Variants in GPR176 observed in about 807,000 individuals in gnomAD.
GPR176 encodes the protein G protein-coupled receptor 176.
In GPR176, 26 loss-of-function variants were observed where a neutral mutation model predicts 35.4. The observed-to-expected ratio is 0.74, with a 90% confidence interval of 0.54 to 1.02. The LOEUF is 1.02. GPR176 is among the 50% of genes least tolerant of loss of function. The pLI is 0.00. For synonymous variants in GPR176, 278 were observed against 271.3 expected (o/e 1.02, Z -0.24); for missense variants, 597 against 665.3 (o/e 0.90, Z 1.13).
At chr15:39,847,918 G>A (rs538351830) in intron 1 of GPR176, among the ~76,000 whole-genome samples, 1 of 152,168 alleles carries the variant, frequency 6.6e-6, no homozygotes, top group East Asian at 1.9e-4. Flanking sequence ...TTCTGGGAAG[G>A]TCTCAGGAAA....
At chr15:39,900,282 T>A (rs2033238731) in intron 1 of GPR176, among the ~76,000 whole-genome samples, 1 of 149,254 alleles carries the variant, frequency 6.7e-6, no homozygotes, top group Non-Finnish European at 1.5e-5. Context: ...GGCTTGAGAA[T>A]GGTAGTAGAG....
At chr15:39,837,635 G>C (rs1156942290) in intron 1 of GPR176, among the ~76,000 whole-genome samples, 1 of 152,092 alleles carries the variant, frequency 6.6e-6, no homozygotes, top group Non-Finnish European at 1.5e-5. Flanking sequence ...AACAGTAGTA[G>C]TAGTAGCAGC....
At chr15:39,811,582 G>C (rs2140792859) in intron 1 of GPR176, among the ~76,000 whole-genome samples, 1 of 152,198 alleles carries the variant, frequency 6.6e-6, no homozygotes, top group Admixed American at 6.5e-5. Context: ...AATCCAAAAT[G>C]CTTCAATGAG....
chr15:39,913,759 C>G (rs1022261858), intron 1 of GPR176, among the ~76,000 whole-genome samples: 1 of 152,072 alleles, frequency 6.6e-6, no homozygotes, highest in Non-Finnish European at 1.5e-5. Flanking sequence ...AAAAAACCAT[C>G]GAGTTGGCCG....
At chr15:39,849,749 G>A (rs376327702) in intron 1 of GPR176, among the ~76,000 whole-genome samples, 27 of 152,192 alleles carry the variant, frequency 1.8e-4, no homozygotes, top group East Asian at 1.7e-3. Context: ...CTTCCTAAAC[G>A]TGATAAACAT....
chr15:39,851,642 A>G (rs568001922), intron 1 of GPR176, among the ~76,000 whole-genome samples: 1 of 152,316 alleles, frequency 6.6e-6, no homozygotes, highest in South Asian at 2.1e-4. Flanking sequence ...GTTCTCATCC[A>G]TTAACATCAA....
At chr15:39,809,360 T>C (rs972906602) in intron 1 of GPR176, among the ~76,000 whole-genome samples, 1 of 152,092 alleles carries the variant, frequency 6.6e-6, no homozygotes, top group Admixed American at 6.6e-5. Flanking sequence ...ACCCATTTGG[T>C]TACACATTTA....
At chr15:39,846,753 AAGG>A (rs1304897200) in intron 1 of GPR176, among the ~76,000 whole-genome samples, 3 of 152,180 alleles carry the variant, frequency 2.0e-5, no homozygotes, top group African/African-American at 7.2e-5. Context: ...TTCAGGAATG[AAGG>A]AGAAGCAGAC....
intron 1 of GPR176, among the ~76,000 whole-genome samples, chr15:39,810,262 T>TA (rs370199875): frequency 2.6e-5 from 4 of 151,862 alleles, no homozygotes; most frequent in Non-Finnish European, 5.9e-5. Flanking sequence ...AAATAAAAGT[T>TA]AAAAAAAATA....
At chr15:39,884,854 T>G (rs7167236) in intron 1 of GPR176, among the ~76,000 whole-genome samples, 49 of 152,180 alleles carry the variant, frequency 3.2e-4, no homozygotes, top group African/African-American at 1.2e-3. Context: ...CACAAGAGTC[T>G]GGAAGGTATT....
At chr15:39,888,886 G>C (rs1490418746) in intron 1 of GPR176, among the ~76,000 whole-genome samples, 1 of 152,146 alleles carries the variant, frequency 6.6e-6, no homozygotes, top group Admixed American at 6.5e-5. Flanking sequence ...ACCTCCTCTG[G>C]GTTAGTTAGG....
chr15:39,803,750 G>C (rs1203059971), intron 2 of GPR176, among the ~76,000 whole-genome samples: 4 of 152,180 alleles, frequency 2.6e-5, no homozygotes, highest in Non-Finnish European at 5.9e-5. Context: ...CAGGCACAAA[G>C]GAGGTACAGG....
At chr15:39,835,067 G>A (rs369052953) in intron 1 of GPR176, among the ~76,000 whole-genome samples, 1 of 152,136 alleles carries the variant, frequency 6.6e-6, no homozygotes, top group African/African-American at 2.4e-5. Context: ...GCCCAGGCTA[G>A]AGTGCAATGG....
intron 2 of GPR176, among the ~76,000 whole-genome samples, chr15:39,804,187 C>T (rs1899054707): frequency 6.6e-6 from 1 of 152,148 alleles, no homozygotes; most frequent in Non-Finnish European, 1.5e-5. Flanking sequence ...CATAAGCACA[C>T]AGGCTCACTA....
At chr15:39,850,739 T>A (rs1291312154) in intron 1 of GPR176, among the ~76,000 whole-genome samples, 1 of 152,138 alleles carries the variant, frequency 6.6e-6, no homozygotes, top group East Asian at 1.9e-4. Flanking sequence ...TAAGAGTACA[T>A]GGGATCTGTA....
At chr15:39,863,030 C>T (rs1032254474) in intron 1 of GPR176, among the ~76,000 whole-genome samples, 4 of 151,252 alleles carry the variant, frequency 2.6e-5, no homozygotes, top group African/African-American at 7.3e-5. Context: ...GTAGGCCTAA[C>T]TAATGTGTGT....
At chr15:39,849,421 C>T (rs2030697975) in intron 1 of GPR176, among the ~76,000 whole-genome samples, 1 of 152,088 alleles carries the variant, frequency 6.6e-6, no homozygotes, top group African/African-American at 2.4e-5. Context: ...GAGAAAGGAA[C>T]ACATCATTTT....
intron 1 of GPR176, among the ~76,000 whole-genome samples, chr15:39,917,706 CA>C (rs905744573): frequency 9.2e-5 from 14 of 151,524 alleles, no homozygotes; most frequent in African/African-American, 3.4e-4. Flanking sequence ...TAAAAAGGAG[CA>C]AATTGAATTC....
chr15:39,850,491 T>C (rs1192006962), intron 1 of GPR176, among the ~76,000 whole-genome samples: 1 of 152,194 alleles, frequency 6.6e-6, no homozygotes, highest in African/African-American at 2.4e-5. Flanking sequence ...TCTAACCATA[T>C]AACATTCTTG....
Sources: allele counts gnomAD v4.1 joint callset (sites outside exome capture counted in the v4.1 genomes callset), GRCh38; gene constraint gnomAD v4.1.1; transcripts MANE v1.5; gene names NCBI Gene and HGNC (gene_info 2026-07-23, HGNC 2026-07-21).